Variants in CDYL observed in about 807,000 individuals in gnomAD.
CDYL encodes chromodomain Y-like protein.
In CDYL, 8 loss-of-function variants were observed where a neutral mutation model predicts 47.3. That is an observed-to-expected ratio of 0.17 (90% CI 0.10 to 0.31). The LOEUF is 0.31. CDYL is among the 10% of genes least tolerant of loss of function. The pLI is 1.00. For missense variants in CDYL, 471 were observed against 701.4 expected, an observed-to-expected ratio of 0.67 and a Z score of 3.71; for synonymous variants, 266 against 265.0, an observed-to-expected ratio of 1.00 and a Z score of -0.04.
intron 5 of CDYL, 156 bp downstream of exon 5, chr6:4,943,912 C>T (rs1483042140): frequency 3.5e-6 from 2 of 571,374 alleles, no homozygotes; most frequent in South Asian, 5.2e-5. Flanking sequence ...ACGTTGTTGA[C>T]CTTTGTTGCA....
At chr6:4,931,411 C>T (rs761019743) in intron 2 of CDYL, among the ~76,000 whole-genome samples, 7 of 152,216 alleles carry the variant, frequency 4.6e-5, no homozygotes, top group East Asian at 1.9e-4. Flanking sequence ...TTTGAGCTGC[C>T]GTCCAGATGA....
chr6:4,727,138 C>T (rs1757527888), intron 2 of CDYL, among the ~76,000 whole-genome samples: 1 of 152,084 alleles, frequency 6.6e-6, no homozygotes, highest in Non-Finnish European at 1.5e-5. Flanking sequence ...TCTCCACTTC[C>T]CTGACACAAA....
At chr6:4,731,168 A>T (rs1479748260) in intron 2 of CDYL, among the ~76,000 whole-genome samples, 2 of 152,002 alleles carry the variant, frequency 1.3e-5, no homozygotes, top group Non-Finnish European at 2.9e-5. Flanking sequence ...AATACATTGT[A>T]CGATTGTATT....
intron 3 of CDYL, among the ~76,000 whole-genome samples, chr6:4,744,168 G>A (rs1049810681): frequency 1.3e-5 from 2 of 152,174 alleles, no homozygotes; most frequent in Non-Finnish European, 1.5e-5. Context: ...GAAGCCATCA[G>A]TGGGGCCCAC....
chr6:4,871,970 G>C (rs1761487398), intron 1 of CDYL, among the ~76,000 whole-genome samples: 1 of 152,204 alleles, frequency 6.6e-6, no homozygotes, highest in African/African-American at 2.4e-5. Flanking sequence ...TGCAGGAGTT[G>C]CAGTTTGGGT....
chr6:4,886,446 G>T (rs1277664709), intron 1 of CDYL, among the ~76,000 whole-genome samples: 2 of 152,158 alleles, frequency 1.3e-5, no homozygotes, highest in Admixed American at 6.5e-5. Flanking sequence ...CCGCATTGTG[G>T]TTGTGATGTG....
intron 3 of CDYL, among the ~76,000 whole-genome samples, chr6:4,769,057 T>C (rs1425296804): frequency 6.6e-6 from 1 of 152,050 alleles, no homozygotes; most frequent in Non-Finnish European, 1.5e-5. Context: ...GAAACTGCCA[T>C]AGCCAAGAGA....
At position 4,916,022 on chromosome 6, in the gene CDYL, G is replaced by A. The variant is rs375539008; in HGVS notation, c.692-19493G>A. Among the ~76,000 whole-genome samples the A allele has an allele frequency of 3.3e-3, 493 of 150,750 alleles. 1 individual carries two copies. Among genetic ancestry groups the A allele is most frequent in the African/African-American group, 0.012 (473 of 40,980 alleles). On this transcript the variant is annotated intron_variant, in intron 2 of 6. Transcript: ENST00000397588. ...CATGACCTGGAAGCCTCCCCACCCCGCCACCCCATCCTGCCTTCCTAGGCC... is the reference window on the plus strand; with the variant it reads ...CATGACCTGGAAGCCTCCCCACCCCACCACCCCATCCTGCCTTCCTAGGCC...
chr6:4,797,151 C>CAAA (rs1759094361), intron 1 of CDYL, among the ~76,000 whole-genome samples: 1 of 151,510 alleles, frequency 6.6e-6, no homozygotes, highest in Non-Finnish European at 1.5e-5. Flanking sequence ...TTCAGTGTAC[C>CAAA]AAAAATGAAA....
At chr6:4,816,872 G>A (rs1192606314) in intron 1 of CDYL, among the ~76,000 whole-genome samples, 1 of 152,116 alleles carries the variant, frequency 6.6e-6, no homozygotes, top group Non-Finnish European at 1.5e-5. Flanking sequence ...ACACCTATGT[G>A]TTTTAGCTGA....
At chr6:4,917,485 A>G (rs1318131903) in intron 2 of CDYL, among the ~76,000 whole-genome samples, 1 of 152,190 alleles carries the variant, frequency 6.6e-6, no homozygotes, top group Non-Finnish European at 1.5e-5. Context: ...ACTAATACTA[A>G]TACATTGTAA....
intron 3 of CDYL, among the ~76,000 whole-genome samples, chr6:4,745,125 C>A (rs779336361): frequency 6.6e-6 from 1 of 151,992 alleles, no homozygotes; most frequent in African/African-American, 2.4e-5. Flanking sequence ...CCACTATACC[C>A]GACTAATTTT....
chr6:4,712,172 G>C (rs560991941), intron 1 of CDYL, among the ~76,000 whole-genome samples: 9 of 152,184 alleles, frequency 5.9e-5, no homozygotes, highest in South Asian at 2.1e-4. Flanking sequence ...GTCAAGCCAG[G>C]ACAGGCAGAA....
At chr6:4,805,168 G>C (rs937161081) in intron 1 of CDYL, among the ~76,000 whole-genome samples, 21 of 152,150 alleles carry the variant, frequency 1.4e-4, no homozygotes, top group Non-Finnish European at 2.6e-4. Context: ...CAGTGAATTA[G>C]CTTTTTACTC....
chr6:4,843,151 C>G lies in CDYL; in HGVS notation c.25-48562C>G, dbSNP rs527446895. ...CCCTCCCCACCCCAACCCCTAGTCCCTTCTAGCTTGTAGGGTTTCTGCTGA... is the reference window on the plus strand; with the variant it reads ...CCCTCCCCACCCCAACCCCTAGTCCGTTCTAGCTTGTAGGGTTTCTGCTGA... On this transcript the variant is annotated intron_variant, in intron 1 of 6. Transcript: ENST00000397588. 2.0e-5 allele frequency among the ~76,000 whole-genome samples: 3 copies of G among 152,272 alleles called. No homozygotes were observed. In the South Asian group the frequency reaches 6.2e-4, roughly 32 times the overall value.
intron 3 of CDYL, among the ~76,000 whole-genome samples, chr6:4,764,567 C>T (rs557705912): frequency 2.0e-5 from 3 of 152,214 alleles, no homozygotes; most frequent in Admixed American, 6.5e-5. Flanking sequence ...GGATTACAGG[C>T]GTGAGCCACT....
At position 4,804,668 on chromosome 6, in the gene CDYL, C is replaced by G. The variant is rs138328517; in HGVS notation, c.24+27861C>G. Among the ~76,000 whole-genome samples the G allele has an allele frequency of 1.1e-3, 168 of 152,326 alleles. 5 individuals carry two copies. Among genetic ancestry groups the G allele is most frequent in the Admixed American group, 8.0e-3 (122 of 15,298 alleles). ...CTAGACCCTGGCACTGTTTTTCAAA[C>G]TTGACTGTCATAGAGACCGCTGCTA... On this transcript the variant is annotated intron_variant, in intron 1 of 6. Transcript: ENST00000397588.
intron 2 of CDYL, among the ~76,000 whole-genome samples, chr6:4,722,763 G>C (rs1757395167): frequency 6.6e-6 from 1 of 152,210 alleles, no homozygotes; most frequent in South Asian, 2.1e-4. Context: ...TGTAATCCCA[G>C]CTACTCGGGA....
intron 1 of CDYL, among the ~76,000 whole-genome samples, chr6:4,870,110 G>C (rs1329984786): frequency 2.0e-5 from 3 of 151,878 alleles, no homozygotes. Context: ...TTTTGCACAG[G>C]CTGGAGTGCA....
Sources: gnomAD v4.1 joint callset for allele counts (sites outside exome capture counted in the v4.1 genomes callset) on GRCh38, gnomAD v4.1.1 for gene constraint, MANE v1.5 for transcripts, NCBI Gene and HGNC (gene_info 2026-07-23, HGNC 2026-07-21) for gene names.